Variants in SPTAN1 observed in about 807,000 individuals in gnomAD.
SPTAN1 encodes spectrin alpha chain, non-erythrocytic 1.
In SPTAN1, 61 loss-of-function variants were observed where a neutral mutation model predicts 331.3. The observed-to-expected ratio is 0.18, with a 90% CI of 0.15 to 0.23. The LOEUF (loss-of-function observed/expected upper bound fraction) is 0.23. SPTAN1 is among the 10% of genes least tolerant of loss of function. The pLI is 1.00. For synonymous variants in SPTAN1, 1,153 were observed against 1,173.9 expected, an observed-to-expected ratio of 0.98 and a Z score of 0.36; for missense variants, 2,043 against 3,147.9, an observed-to-expected ratio of 0.65 and a Z score of 8.40.
At chr9:128,605,687 AT>A in intron 31 of SPTAN1, among the ~76,000 whole-genome samples, 1 of 152,096 alleles carries the variant, frequency 6.6e-6, no homozygotes. Context: ...CTATTATAAA[AT>A]TTTAATTTAA....
At position 128,628,427 on chromosome 9, in the gene SPTAN1, G is replaced by A. The variant is rs560742709; in HGVS notation, c.6707+485G>A. The A allele has an allele frequency of 7.5e-5, 26 of 346,204 alleles. No individual in the cohort carries two copies. The East Asian group carries it at 1.8e-3, about 24-fold the overall frequency. The allele number at this position is 346,204 out of a possible 1,614,324, so 21.4% of individuals were successfully genotyped here. Reference sequence around the variant, plus strand: ...GCACTGACACCCCCTAAGTAGCTGAGGCTGCCACTTTACTTTCCTGGGGTC... The same window carrying A: ...GCACTGACACCCCCTAAGTAGCTGAAGCTGCCACTTTACTTTCCTGGGGTC... On this transcript the variant is annotated intron_variant, in intron 51 of 56. Transcript: ENST00000372739.
chr9:128,603,289 G>T (rs1054023587), intron 27 of SPTAN1, among the ~76,000 whole-genome samples: 11 of 151,938 alleles, frequency 7.2e-5, no homozygotes, highest in Non-Finnish European at 4.4e-5. Flanking sequence ...CTAGAATTGT[G>T]GTTTTTACCA....
At chr9:128,599,095 G>A in intron 26 of SPTAN1, 109 bp downstream of exon 26, 2 of 1,053,462 alleles carry the variant, frequency 1.9e-6, no homozygotes, top group Non-Finnish European at 3.0e-6. Context: ...CTGAACCTCA[G>A]ATGCCTTTTG....
Position 128,617,771 on chromosome 9 carries a change from C to T in SPTAN1, c.5478+11C>T, listed in dbSNP as rs1051496869. On this transcript the variant is annotated intron_variant, in intron 42 of 56. Transcript: ENST00000372739. The stretch of plus-strand genomic sequence containing the variant: ...GAGCCGGCTATTCAGGTAAGGAGGC[C>T]GCCTTCTGGCCAAGAGGGCAGAGGT... 2.5e-6 allele frequency: 4 copies of T among 1,613,704 alleles called. No homozygotes were observed. The highest frequency in any genetic ancestry group is 4.5e-5 in the East Asian group (2 of 44,886).
intron 5 of SPTAN1, among the ~76,000 whole-genome samples, chr9:128,575,949 G>A (rs921578897): frequency 6.6e-6 from 1 of 152,140 alleles, no homozygotes; most frequent in African/African-American, 2.4e-5. Flanking sequence ...TTGATTTGGG[G>A]GGTACAAATT....
Position 128,594,271 on chromosome 9 carries a change from G to A in SPTAN1, c.3312G>A (p.Gln1104=). The change falls in exon 24 of 57, where the codon CAG becomes CAA. Residue 1104 remains glutamine (Q), a synonymous_variant. Coordinates refer to ENST00000372739, the MANE Select transcript of SPTAN1 (RefSeq NM_001130438.3). Reference sequence around the variant, plus strand: ...TGTTCCGTGAAGCGAATGAACTACAGCAATGGATCAATGAGAAGGAAGCCG... The same window carrying A: ...TGTTCCGTGAAGCGAATGAACTACAACAATGGATCAATGAGAAGGAAGCCG... The part of the protein sequence containing the change: ...FMLFREANEL[Q]QWINEKEAAL... The A allele has an allele frequency of 1.2e-6, 2 of 1,614,118 alleles. No homozygotes were observed. Among genetic ancestry groups the A allele is most frequent in the Non-Finnish European group, 1.7e-6 (2 of 1,180,034 alleles).
chr9:128,601,084 A>G (rs1246843063), intron 27 of SPTAN1, among the ~76,000 whole-genome samples: 1 of 140,450 alleles, frequency 7.1e-6, no homozygotes, highest in Non-Finnish European at 1.5e-5. Flanking sequence ...CCCAGATTCA[A>G]GCGATCCTCC....
chr9:128,560,119 T>C (rs1369839727), intron 1 of SPTAN1, among the ~76,000 whole-genome samples: 1 of 127,612 alleles, frequency 7.8e-6, no homozygotes, highest in East Asian at 2.5e-4. Context: ...AGTCTCGCTC[T>C]GTCGCCCAGG....
Position 128,611,723 on chromosome 9 carries a change from C to T in SPTAN1, c.4783C>T (p.Gln1595Ter), listed in dbSNP as rs777412539. ...IQLSKLLSKH[Q>*]KHQAFEAELH... is the part of the protein sequence containing the mutation. ...TTTTTGGTATTTTTAGAGCAAGCAC[C>T]AGAAGCACCAGGCTTTTGAAGCAGA... The change falls in exon 38 of 57, where the codon CAG becomes TAG. Residue 1595 changes from glutamine (Q) to a stop codon, truncating the protein, a stop_gained. Transcript: ENST00000372739. LOFTEE classifies it high-confidence loss of function. The T allele has an allele frequency of 6.2e-7, 1 of 1,614,058 alleles. No individual in the cohort carries two copies. The highest frequency in any genetic ancestry group is 8.5e-7 in the Non-Finnish European group (1 of 1,180,022).
At chr9:128,574,931 G>T in intron 4 of SPTAN1, 116 bp downstream of exon 4, 2 of 1,454,782 alleles carry the variant, frequency 1.4e-6, no homozygotes, top group Non-Finnish European at 9.6e-7. Flanking sequence ...TAAGTAAAAG[G>T]GTGGAAGTGG....
chr9:128,584,039 A>T, intron 16 of SPTAN1, 70 bp downstream of exon 16: 1 of 1,590,184 alleles, frequency 6.3e-7, no homozygotes, highest in Non-Finnish European at 8.6e-7. Context: ...AAAGCCAGTA[A>T]TTTGAGACTA....
intron 10 of SPTAN1, among the ~76,000 whole-genome samples, chr9:128,580,437 A>G (rs1208321354): frequency 6.6e-6 from 1 of 151,950 alleles, no homozygotes; most frequent in African/African-American, 2.4e-5. Flanking sequence ...AATGATTTAT[A>G]TGATTTATAT....
chr9:128,610,427 G>A (rs1182883728), intron 37 of SPTAN1, among the ~76,000 whole-genome samples: 6 of 152,176 alleles, frequency 3.9e-5, no homozygotes, highest in Admixed American at 6.5e-5. Context: ...TTGGGATCAG[G>A]CGGTGGGAGA....
chr9:128,633,220 G>A lies in SPTAN1; in HGVS notation c.7320G>A (p.Arg2440=). The stretch of plus-strand genomic sequence containing the variant: ...CTCTTACCCCACAGAACCTGACCCG[G>A]GAACAAGCCGACTACTGCGTCTCCC... ...TKEELYQNLT[R]EQADYCVSHM... The change falls in exon 57 of 57, where the codon CGG becomes CGA. Residue 2440 remains arginine, a synonymous_variant. Coordinates refer to ENST00000372739, the MANE Select transcript of SPTAN1 (RefSeq NM_001130438.3). The A allele has an allele frequency of 6.2e-7, 1 of 1,614,040 alleles. No homozygotes were observed. The highest frequency in any genetic ancestry group is 8.5e-7 in the Non-Finnish European group (1 of 1,180,038).
chr9:128,605,422 C>A lies in SPTAN1; in HGVS notation c.3991C>A (p.Arg1331Ser), dbSNP rs1407200590. Residue 1331 changes from arginine (R) to serine (S), a missense_variant, in exon 31 of 57, where the codon CGC becomes AGC. By Grantham distance (110) the Arg-to-Ser change is moderately radical. Transcript: ENST00000372739. Reference sequence around the variant, plus strand: ...CAGCCTGGGGAAACGTGCAGATCAGCGCAAGGCAAAGTTGGGTGACTCCCA... The same window carrying A: ...CAGCCTGGGGAAACGTGCAGATCAGAGCAAGGCAAAGTTGGGTGACTCCCA... Reference protein sequence around the residue: ...WSSLGKRADQRKAKLGDSHDL... With the variant: ...WSSLGKRADQSKAKLGDSHDL... 12 of 1,614,184 alleles carry A rather than the reference C, an allele frequency of 7.4e-6. No homozygotes were observed. Among genetic ancestry groups the A allele is most frequent in the Non-Finnish European group, 1.0e-5 (12 of 1,180,042 alleles).
chr9:128,618,131 T>A, intron 43 of SPTAN1, 23 bp downstream of exon 43: 1 of 1,611,930 alleles, frequency 6.2e-7, no homozygotes. Context: ...AGGCAGGAGC[T>A]CCCGGGAACA....
At chr9:128,617,830 T>A (rs1371385065) in intron 42 of SPTAN1, 70 bp downstream of exon 42, 4 of 1,611,970 alleles carry the variant, frequency 2.5e-6, no homozygotes, top group Non-Finnish European at 3.4e-6. Context: ...GACAAACCCC[T>A]TGCGCTTATT....
At chr9:128,585,159 GAC>G (rs1852428670) in intron 18 of SPTAN1, among the ~76,000 whole-genome samples, 1 of 151,710 alleles carries the variant, frequency 6.6e-6, no homozygotes, top group Non-Finnish European at 1.5e-5. Flanking sequence ...GGACTACAGG[GAC>G]ACACCACCAT....
chr9:128,571,166 T>C (rs1850679715), intron 3 of SPTAN1, among the ~76,000 whole-genome samples: 2 of 152,064 alleles, frequency 1.3e-5, no homozygotes, highest in African/African-American at 2.4e-5. Flanking sequence ...GGTGCACACC[T>C]GTAGCCCCAG....
Sources: allele counts gnomAD v4.1 joint callset (sites outside exome capture counted in the v4.1 genomes callset), GRCh38; gene constraint gnomAD v4.1.1; transcripts MANE v1.5; gene names NCBI Gene and HGNC (gene_info 2026-07-23, HGNC 2026-07-21).